The following ETV1 variants were observed in gnomAD, a reference collection of about 807,000 sequenced individuals.
ETV1 encodes ETS translocation variant 1.
ETV1 carries 27 observed loss-of-function variants against 62.3 expected under a neutral mutation model. The observed-to-expected ratio is 0.43, with a 90% CI of 0.32 to 0.60. The LOEUF (loss-of-function observed/expected upper bound fraction) is 0.60, where lower values mean the gene tolerates loss of function less well. Ranked by LOEUF, ETV1 falls within the 20% of genes least tolerant of loss-of-function variation. The probability of loss-of-function intolerance (pLI) is 0.06; values close to 1 mark genes in which losing one functional copy is unlikely to be tolerated. For missense variants in ETV1, 605 were observed against 605.8 expected (o/e 1.00, Z 0.01); for synonymous variants, 222 against 199.6 (o/e 1.11, Z -0.94).
At chr7:13,905,808 G>C (rs1337279875) in intron 12 of ETV1, among the ~76,000 whole-genome samples, 6 of 152,150 alleles carry the variant, frequency 3.9e-5, no homozygotes, top group East Asian at 1.9e-4. Context: ...TGCCAGTCCA[G>C]CTGACTTGGA....
At chr7:13,986,016 C>T (rs1782515968) in intron 5 of ETV1, 1 of 985,328 alleles carries the variant, frequency 1.0e-6, no homozygotes, top group Non-Finnish European at 1.5e-6. Flanking sequence ...TCAATTTCAG[C>T]AAACATAACA....
chr7:13,979,903 A>T (rs1213055657), intron 5 of ETV1, among the ~76,000 whole-genome samples: 1 of 152,146 alleles, frequency 6.6e-6, no homozygotes, highest in Admixed American at 6.6e-5. Flanking sequence ...AGAGCAGCAC[A>T]GACTCACTGA....
intron 9 of ETV1, among the ~76,000 whole-genome samples, chr7:13,921,473 G>A (rs1784843802): frequency 6.6e-6 from 1 of 151,956 alleles, no homozygotes; most frequent in Non-Finnish European, 1.5e-5. Flanking sequence ...ACTCCGAAGG[G>A]GAAAAAAACA....
At chr7:13,918,844 T>A (rs1205617346) in intron 9 of ETV1, among the ~76,000 whole-genome samples, 1 of 143,812 alleles carries the variant, frequency 7.0e-6, no homozygotes, top group African/African-American at 2.7e-5. Context: ...CTGCACAATG[T>A]GCACATGTAC....
At chr7:13,903,571 T>G (rs1265804021) in intron 12 of ETV1, among the ~76,000 whole-genome samples, 3 of 152,004 alleles carry the variant, frequency 2.0e-5, no homozygotes, top group Non-Finnish European at 2.9e-5. Flanking sequence ...AAGACCACCC[T>G]GGCCAACATA....
At chr7:13,919,930 A>T (rs935322689) in intron 9 of ETV1, among the ~76,000 whole-genome samples, 1 of 152,104 alleles carries the variant, frequency 6.6e-6, no homozygotes, top group African/African-American at 2.4e-5. Flanking sequence ...CCAAACATGT[A>T]TCTTTAAACT....
At chr7:13,984,461 T>C (rs1371128125) in intron 5 of ETV1, among the ~76,000 whole-genome samples, 1 of 151,906 alleles carries the variant, frequency 6.6e-6, no homozygotes, top group Non-Finnish European at 1.5e-5. Flanking sequence ...AATAATATAT[T>C]TAATTTCTCA....
intron 6 of ETV1, among the ~76,000 whole-genome samples, chr7:13,976,917 A>T (rs1781504200): frequency 6.6e-6 from 1 of 152,218 alleles, no homozygotes; most frequent in African/African-American, 2.4e-5. Flanking sequence ...AGAAAATTTC[A>T]GGCTAAAAAT....
intron 6 of ETV1, among the ~76,000 whole-genome samples, chr7:13,942,583 C>T (rs910511062): frequency 5.9e-5 from 9 of 152,212 alleles, no homozygotes; most frequent in African/African-American, 1.9e-4. Flanking sequence ...CAAGTAGCCC[C>T]CAGTGTCTGT....
chr7:13,943,629 G>T (rs1345155021), intron 6 of ETV1, among the ~76,000 whole-genome samples: 2 of 152,014 alleles, frequency 1.3e-5, no homozygotes, highest in African/African-American at 4.8e-5. Context: ...TTCATCAATG[G>T]GCAAATGGAT....
At chr7:13,904,029 G>A (rs988129162) in intron 12 of ETV1, among the ~76,000 whole-genome samples, 7 of 152,140 alleles carry the variant, frequency 4.6e-5, no homozygotes, top group South Asian at 2.1e-4. Context: ...CATCTTTCAC[G>A]GACTGTGCTG....
intron 6 of ETV1, among the ~76,000 whole-genome samples, chr7:13,974,071 C>T (rs963852170): frequency 6.6e-5 from 10 of 152,120 alleles, no homozygotes; most frequent in South Asian, 2.1e-4. Flanking sequence ...ATCTAAAATA[C>T]TATAATACAA....
At position 13,892,943 on chromosome 7, in the gene ETV1, T is replaced by C. The variant is rs991095183; in HGVS notation, c.*2923A>G. On this transcript the variant is annotated 3_prime_UTR_variant, in exon 14 of 14. Transcript: ENST00000430479. The stretch of plus-strand genomic sequence containing the variant: ...AACTATAAGATAAATTTGTGTAAAT[T>C]ACTGAAGTTGTGGTAATTGGTTACA... 5 of 232,314 alleles carry C rather than the reference T, an allele frequency of 2.2e-5. No individual in the cohort carries two copies. The highest frequency in any genetic ancestry group is 1.1e-4 in the African/African-American group (5 of 45,304). 14.4% of individuals were successfully genotyped at this position (232,314 alleles called of 1,614,324 possible).
At chr7:13,982,111 TA>T (rs1782044646) in intron 5 of ETV1, among the ~76,000 whole-genome samples, 1 of 152,046 alleles carries the variant, frequency 6.6e-6, no homozygotes, top group Non-Finnish European at 1.5e-5. Context: ...ATTCTTACTG[TA>T]ACAGTAAAGT....
chr7:13,970,056 A>G (rs970385305), intron 6 of ETV1, among the ~76,000 whole-genome samples: 12 of 151,892 alleles, frequency 7.9e-5, no homozygotes, highest in African/African-American at 2.9e-4. Flanking sequence ...GGAGATGGAG[A>G]CCATACTGGC....
chr7:13,986,372 G>A (rs1782552185), intron 5 of ETV1: 11 of 1,488,044 alleles, frequency 7.4e-6, no homozygotes, highest in East Asian at 2.5e-5. Context: ...AGAACTTGAA[G>A]TCTTGGTGCA....
In ETV1 at chr7:13,895,148, C is replaced by T. The variant is rs551123022; in HGVS notation, c.*718G>A. 1.8e-4 allele frequency: 43 copies of T among 233,442 alleles called. No homozygotes were observed. The highest frequency in any genetic ancestry group is 2.6e-3 in the Middle Eastern group (2 of 784). 14.5% of individuals were successfully genotyped at this position (233,442 alleles called of 1,614,324 possible). On this transcript the variant is annotated 3_prime_UTR_variant, in exon 14 of 14. Coordinates refer to ENST00000430479, the MANE Select transcript of ETV1 (RefSeq NM_004956.5). Reference sequence around the variant, plus strand: ...AAACAGCAAGGTGGCACCAGATACACGTAATGCTACTGGCCTATGACTCAG... The same window carrying T: ...AAACAGCAAGGTGGCACCAGATACATGTAATGCTACTGGCCTATGACTCAG...
chr7:13,961,126 A>G (rs1266527671), intron 6 of ETV1, among the ~76,000 whole-genome samples: 4 of 151,724 alleles, frequency 2.6e-5, no homozygotes, highest in Admixed American at 6.6e-5. Context: ...AGCCTGGAAA[A>G]CAGAGCAAGA....
chr7:13,962,048 T>C (rs1790228419), intron 6 of ETV1, among the ~76,000 whole-genome samples: 1 of 152,072 alleles, frequency 6.6e-6, no homozygotes, highest in Non-Finnish European at 1.5e-5. Flanking sequence ...GTGTGATATA[T>C]TATGAATGTT....
Sources: allele counts gnomAD v4.1 joint callset (sites outside exome capture counted in the v4.1 genomes callset), GRCh38; gene constraint gnomAD v4.1.1; transcripts MANE v1.5; gene names NCBI Gene and HGNC (gene_info 2026-07-23, HGNC 2026-07-21).